The following PTPRD variants were observed in gnomAD, a reference collection of about 807,000 sequenced individuals.
The protein encoded by PTPRD is receptor-type tyrosine-protein phosphatase delta.
Under a neutral mutation model 214.5 loss-of-function variants are expected in PTPRD, and 34 were observed. The ratio of observed to expected loss-of-function variants is 0.16; its 90% confidence interval spans 0.12 to 0.21. PTPRD has a LOEUF of 0.21. Among genes scored for constraint, PTPRD ranks in the 10% least tolerant of loss-of-function variants. The probability of loss-of-function intolerance (pLI) is 1.00; values close to 1 mark genes in which losing one functional copy is unlikely to be tolerated. For missense variants in PTPRD, 2,545 were observed against 2,398.7 expected, an observed-to-expected ratio of 1.06 and a Z score of -1.27; for synonymous variants, 1,128 against 845.7, an observed-to-expected ratio of 1.33 and a Z score of -5.79.
intron 3 of PTPRD, among the ~76,000 whole-genome samples, chr9:10,217,563 T>C (rs1366223156): frequency 6.6e-6 from 1 of 151,944 alleles, no homozygotes; most frequent in African/African-American, 2.4e-5. Context: ...TATTCTACTG[T>C]AGGAGGCCAC....
intron 3 of PTPRD, among the ~76,000 whole-genome samples, chr9:10,323,191 T>G (rs1447145399): frequency 7.0e-6 from 1 of 142,978 alleles, no homozygotes; most frequent in East Asian, 2.1e-4. Flanking sequence ...TTCTTTTTCT[T>G]TCTTTCTTCT....
intron 7 of PTPRD, among the ~76,000 whole-genome samples, chr9:9,719,258 G>A (rs2097891384): frequency 6.6e-6 from 1 of 152,046 alleles, no homozygotes; most frequent in Admixed American, 6.6e-5. Context: ...ACTTAATAAA[G>A]CTCCTCTCCA....
chr9:9,730,114 TATAAA>T (rs1212272655), intron 7 of PTPRD, among the ~76,000 whole-genome samples: 5 of 152,118 alleles, frequency 3.3e-5, no homozygotes, highest in African/African-American at 4.8e-5. Flanking sequence ...TTTTGGTACA[TATAAA>T]AGAAATACAC....
At chr9:9,705,573 G>C (rs1432582271) in intron 7 of PTPRD, among the ~76,000 whole-genome samples, 1 of 151,898 alleles carries the variant, frequency 6.6e-6, no homozygotes, top group African/African-American at 2.4e-5. Context: ...CATGATCTTA[G>C]AAGCATATAA....
chr9:8,815,947 T>C lies in PTPRD; in HGVS notation c.-103-82001A>G, dbSNP rs144583531. 7.2e-5 allele frequency among the ~76,000 whole-genome samples: 11 copies of C among 152,246 alleles called. No homozygotes were observed. The East Asian group carries it at 1.9e-3, about 27-fold the overall frequency. ...AAAACACCCTATGGTGGTACTTGAG[T>C]GATTTGATGCATTTTTGTACACAAT... On this transcript the variant is annotated intron_variant, in intron 11 of 45. Transcript: ENST00000381196.
chr9:10,326,014 T>A (rs185673435), intron 3 of PTPRD, among the ~76,000 whole-genome samples: 1 of 151,952 alleles, frequency 6.6e-6, no homozygotes, highest in Non-Finnish European at 1.5e-5. Flanking sequence ...TCTAAAAAGA[T>A]ATGTTTGTCC....
intron 11 of PTPRD, among the ~76,000 whole-genome samples, chr9:8,740,294 G>A (rs1325245755): frequency 2.0e-5 from 3 of 152,146 alleles, no homozygotes; most frequent in East Asian, 1.9e-4. Context: ...TAAAGATGGC[G>A]TTTCATACTT....
intron 3 of PTPRD, among the ~76,000 whole-genome samples, chr9:10,256,731 T>G (rs1249009402): frequency 6.6e-6 from 1 of 152,206 alleles, no homozygotes; most frequent in Non-Finnish European, 1.5e-5. Flanking sequence ...AAATTTTATC[T>G]GTTCTACCTG....
At chr9:8,485,174 A>T (rs1047402224) in intron 29 of PTPRD, 53 bp downstream of exon 29, 4 of 1,485,588 alleles carry the variant, frequency 2.7e-6, no homozygotes, top group Middle Eastern at 1.7e-4. Flanking sequence ...ACCCAGATAA[A>T]CTGTCCCCTC....
At chr9:9,491,168 A>C (rs749300353) in intron 8 of PTPRD, among the ~76,000 whole-genome samples, 2 of 151,970 alleles carry the variant, frequency 1.3e-5, no homozygotes, top group Admixed American at 6.6e-5. Flanking sequence ...ATAAGATTTT[A>C]AAACAGATTT....
chr9:9,030,683 A>C (rs1474759160), intron 10 of PTPRD, among the ~76,000 whole-genome samples: 1 of 151,538 alleles, frequency 6.6e-6, no homozygotes, highest in Non-Finnish European at 1.5e-5. Flanking sequence ...TTATTTCTCC[A>C]CCAGTTTTTA....
intron 9 of PTPRD, among the ~76,000 whole-genome samples, chr9:9,217,324 C>T (rs1304930324): frequency 6.6e-6 from 1 of 152,090 alleles, no homozygotes; most frequent in South Asian, 2.1e-4. Context: ...CTGCGTGGCA[C>T]CTCATAAGTG....
At chr9:10,399,608 T>A (rs913509759) in intron 2 of PTPRD, among the ~76,000 whole-genome samples, 1 of 151,858 alleles carries the variant, frequency 6.6e-6, no homozygotes, top group Admixed American at 6.6e-5. Flanking sequence ...TAGAAATAGA[T>A]ATGAGGGGCA....
At chr9:9,940,389 C>G (rs10978118) in intron 4 of PTPRD, among the ~76,000 whole-genome samples, 5 of 151,944 alleles carry the variant, frequency 3.3e-5, no homozygotes, top group Non-Finnish European at 5.9e-5. Flanking sequence ...CTCCATCAGG[C>G]TAGTTGCCAG....
intron 3 of PTPRD, among the ~76,000 whole-genome samples, chr9:10,318,761 G>C (rs997172856): frequency 6.6e-6 from 1 of 152,032 alleles, no homozygotes; most frequent in Non-Finnish European, 1.5e-5. Context: ...AGGGGTGGTT[G>C]CCACCACATC....
intron 33 of PTPRD, among the ~76,000 whole-genome samples, chr9:8,458,010 G>C (rs2096265890): frequency 6.6e-6 from 1 of 152,120 alleles, no homozygotes; most frequent in African/African-American, 2.4e-5. Context: ...TGAATTTCAA[G>C]TCAGGAATGT....
chr9:10,296,628 T>G lies in PTPRD; in HGVS notation c.-545+44335A>C, dbSNP rs985855094. 4.6e-5 allele frequency among the ~76,000 whole-genome samples: 7 copies of G among 152,034 alleles called. 1 individual carries two copies. The highest frequency in any genetic ancestry group is 2.6e-4 in the Admixed American group (4 of 15,230). ...TACTCCTTGCCTCAGTCATTGGCTG[T>G]CTGTGCAGTGAGCTGCAAGACCTAG... On this transcript the variant is annotated intron_variant, in intron 3 of 45. Transcript: ENST00000381196.
At chr9:9,526,137 A>G (rs2074067125) in intron 8 of PTPRD, among the ~76,000 whole-genome samples, 1 of 152,170 alleles carries the variant, frequency 6.6e-6, no homozygotes, top group Non-Finnish European at 1.5e-5. Flanking sequence ...AGCCCAACTT[A>G]CATTTGTAAA....
chr9:8,549,241 G>A (rs1025954302), intron 14 of PTPRD, among the ~76,000 whole-genome samples: 2 of 152,132 alleles, frequency 1.3e-5, no homozygotes, highest in African/African-American at 4.8e-5. Context: ...GTTTTAGGGA[G>A]TATTCATTTT....
Sources: gnomAD v4.1 joint callset for allele counts (sites outside exome capture counted in the v4.1 genomes callset) on GRCh38, gnomAD v4.1.1 for gene constraint, MANE v1.5 for transcripts, NCBI Gene and HGNC (gene_info 2026-07-23, HGNC 2026-07-21) for gene names.